Variants in PARP12 observed in about 807,000 individuals in gnomAD.
The protein encoded by PARP12 is protein mono-ADP-ribosyltransferase PARP12.
In PARP12, 59 loss-of-function variants were observed where a neutral mutation model predicts 72.4. The ratio of observed to expected loss-of-function variants is 0.81; its 90% confidence interval spans 0.66 to 1.01. PARP12 has a LOEUF of 1.01. Among genes scored for constraint, PARP12 ranks in the 50% least tolerant of loss-of-function variants. PARP12 has a pLI of 0.00. For synonymous variants in PARP12, 403 were observed against 371.4 expected (o/e 1.09, Z -0.98); for missense variants, 851 against 914.0 (o/e 0.93, Z 0.89).
chr7:140,053,793 G>A (rs1817067297), intron 4 of PARP12, among the ~76,000 whole-genome samples: 1 of 151,686 alleles, frequency 6.6e-6, no homozygotes, highest in Non-Finnish European at 1.5e-5. Flanking sequence ...ATACTGACAT[G>A]GAAAAAAAAT....
At chr7:140,054,890 G>A in intron 3 of PARP12, 127 bp from the exon 4 acceptor site, 1 of 738,022 alleles carries the variant, frequency 1.4e-6, no homozygotes. Context: ...ATCGTGTTTG[G>A]GGTGAAAGTG....
chr7:140,027,177 C>T, intron 10 of PARP12, 99 bp downstream of exon 10: 1 of 1,495,886 alleles, frequency 6.7e-7, no homozygotes, highest in Middle Eastern at 2.5e-4. Context: ...GCCCTAACTG[C>T]CGCTCTGCTT....
At chr7:140,027,457 A>T in intron 9 of PARP12, 51 bp from the exon 10 acceptor site, 1 of 1,598,474 alleles carries the variant, frequency 6.3e-7, no homozygotes, top group Non-Finnish European at 8.6e-7. Context: ...GCAGAATATA[A>T]ATCAGTCCCT....
At chr7:140,025,578 C>T (rs1472250108) in intron 11 of PARP12, 1 of 456,206 alleles carries the variant, frequency 2.2e-6, no homozygotes, top group Non-Finnish European at 4.4e-6. Flanking sequence ...ATATATGCCA[C>T]CTACCTGAAA....
intron 5 of PARP12, among the ~76,000 whole-genome samples, chr7:140,043,646 C>A (rs1229405807): frequency 2.0e-5 from 3 of 152,128 alleles, no homozygotes; most frequent in African/African-American, 7.2e-5. Flanking sequence ...TCCTGTCTCA[C>A]CCTCCCGAGG....
intron 2 of PARP12, chr7:140,057,469 A>G (rs1416893942): frequency 2.4e-6 from 1 of 423,284 alleles, no homozygotes; most frequent in Non-Finnish European, 4.2e-6. Flanking sequence ...AAGGACCTCT[A>G]CAATCTACCT....
chr7:140,038,105 T>C (rs972984662), intron 6 of PARP12: 2 of 985,204 alleles, frequency 2.0e-6, no homozygotes, highest in Admixed American at 1.2e-4. Flanking sequence ...AAGACAGGGA[T>C]GGGAGCAACG....
In PARP12 at chr7:140,056,874, CA is replaced by C; in HGVS notation, c.741del (p.Phe247LeufsTer81). ...GCCTTACCAGAAGTCCCCTGTGGGA[CA>C]AAAAGAGGAGGCACTCTGCTGGGGG... ...SSAPSRVPPL[F>X]VPQGTSERKD... On this transcript the variant is annotated frameshift_variant, in exon 3 of 12. Coordinates refer to ENST00000263549, the MANE Select transcript of PARP12 (RefSeq NM_022750.4). LOFTEE classifies it high-confidence loss of function. The C allele has an allele frequency of 6.2e-7, 1 of 1,608,372 alleles. No homozygotes were observed. The highest frequency in any genetic ancestry group is 8.5e-7 in the Non-Finnish European group (1 of 1,177,794).
rs1554514731 is a variant in PARP12 at position 140,046,833 on chromosome 7, T to TCA, written c.986+49_986+50dup. 2,451 of 1,188,116 alleles carry TCA rather than the reference T, an allele frequency of 2.1e-3. 104 individuals carry two copies. In the African/African-American group the frequency reaches 0.028, roughly 14 times the overall value. The allele number at this position is 1,188,116 out of a possible 1,614,324, so 73.6% of individuals were successfully genotyped here. A position where few individuals can be genotyped will look rare whatever the true frequency, so the allele number is the denominator to read the frequency against. ...GTGTGTGTGTGTGTGTGTGTGTGTG[T>TCA]CACACACAGAAGCCCAGGCACAAAG... is the stretch of plus-strand genomic sequence containing the variant. On this transcript the variant is annotated intron_variant, in intron 5 of 11. Transcript: ENST00000263549.
Position 140,034,261 on chromosome 7 carries a change from G to A in PARP12, c.1395C>T (p.Pro465=), listed in dbSNP as rs1481199165. The change falls in exon 8 of 12, where the codon CCC becomes CCT. Residue 465 remains proline, a synonymous_variant. Transcript: ENST00000263549. ...KVCRRPKYVS[P]QDVTTMQTCN... ...AGGTTTGCATGGTCGTCACATCCTG[G>A]GGAGACACGTATTTGGGTCTGCGGC... 1 of 1,613,210 alleles carries A rather than the reference G, an allele frequency of 6.2e-7. No homozygotes were observed. The highest frequency in any genetic ancestry group is 1.7e-4 in the Middle Eastern group (1 of 6,058).
chr7:140,056,635 G>A (rs371860035), intron 3 of PARP12, among the ~76,000 whole-genome samples: 1 of 152,150 alleles, frequency 6.6e-6, no homozygotes. Flanking sequence ...ATTCACATTT[G>A]TCTAGGATGG....
chr7:140,030,105 CAGA>C (rs1815884083), intron 8 of PARP12, among the ~76,000 whole-genome samples: 1 of 152,120 alleles, frequency 6.6e-6, no homozygotes, highest in African/African-American at 2.4e-5. Context: ...CCAAGACAAA[CAGA>C]AGCTCTTAAA....
At chr7:140,026,486 G>A in intron 10 of PARP12, 138 bp from the exon 11 acceptor site, 1 of 1,071,756 alleles carries the variant, frequency 9.3e-7, no homozygotes, top group Non-Finnish European at 1.2e-6. Flanking sequence ...AGGCTACCCT[G>A]ACTAGGCCTG....
Position 140,024,762 on chromosome 7 carries a change from A to G in PARP12, c.1904T>C (p.Val635Ala), listed in dbSNP as rs1815659351. The G allele has an allele frequency of 1.2e-6, 2 of 1,614,164 alleles. No individual in the cohort carries two copies. The highest frequency in any genetic ancestry group is 4.5e-5 in the East Asian group (2 of 44,872). The change falls in exon 12 of 12, where the codon GTC becomes GCC. Residue 635 changes from valine (V) to alanine (A), a missense_variant. This residue lies in a region of PARP12 where 347 missense variants were observed against 396.1 expected (regional missense o/e 0.88). Coordinates refer to ENST00000263549, the MANE Select transcript of PARP12 (RefSeq NM_022750.4). ...CCAGCCCTCCTTGGCCGGCGGACGG[A>G]CAAAGGAGGCATTGCCCCTGACGAA... is the stretch of plus-strand genomic sequence containing the variant. ...GEFVRGNASF[V>A]RPPAKEGWSN...
At chr7:140,029,300 T>C (rs1234714707) in intron 8 of PARP12, among the ~76,000 whole-genome samples, 1 of 152,220 alleles carries the variant, frequency 6.6e-6, no homozygotes, top group South Asian at 2.1e-4. Context: ...AAGCATCACA[T>C]TATCTTTCTA....
intron 6 of PARP12, 81 bp from the exon 7 acceptor site, chr7:140,037,937 T>G: frequency 6.5e-7 from 1 of 1,540,504 alleles, no homozygotes; most frequent in Non-Finnish European, 8.8e-7. Flanking sequence ...ACGCCACATT[T>G]CAGAGGTGCT....
chr7:140,052,092 C>T (rs1206911402), intron 4 of PARP12, among the ~76,000 whole-genome samples: 1 of 152,176 alleles, frequency 6.6e-6, no homozygotes, highest in East Asian at 1.9e-4. Flanking sequence ...GTTCCATCTC[C>T]TGTTACAACT....
chr7:140,053,674 C>A (rs989887859), intron 4 of PARP12, among the ~76,000 whole-genome samples: 1 of 151,798 alleles, frequency 6.6e-6, no homozygotes, highest in East Asian at 1.9e-4. Flanking sequence ...CATTCCATTC[C>A]CCAGAATCTA....
intron 6 of PARP12, chr7:140,038,089 A>G (rs961278672): frequency 2.6e-5 from 26 of 985,278 alleles, no homozygotes; most frequent in Middle Eastern, 5.2e-4. Flanking sequence ...GGTCCTGCTG[A>G]GCAGGAAGAC....
Sources: allele counts gnomAD v4.1 joint callset (sites outside exome capture counted in the v4.1 genomes callset), GRCh38; gene constraint gnomAD v4.1.1; regional missense constraint gnomAD v4.1.1; transcripts MANE v1.5; gene names NCBI Gene and HGNC (gene_info 2026-07-23, HGNC 2026-07-21).